The following RALYL variants were observed in gnomAD, a reference collection of about 807,000 sequenced individuals.
RALYL encodes RNA-binding Raly-like protein.
A neutral mutation model predicts 35.1 loss-of-function variants in RALYL; 29 were observed. The observed-to-expected ratio is 0.83, with a 90% CI of 0.61 to 1.13. The LOEUF is 1.13. Ranked by LOEUF, RALYL falls within the 50% of genes most tolerant of loss-of-function variation. The pLI, the probability that RALYL is intolerant of heterozygous loss-of-function variation, is 0.00. For missense variants in RALYL, 359 were observed against 360.4 expected (o/e 1.00, Z 0.03); for synonymous variants, 120 against 127.6 (o/e 0.94, Z 0.40).
intron 1 of RALYL, among the ~76,000 whole-genome samples, chr8:84,498,263 C>G (rs995870477): frequency 1.3e-5 from 2 of 151,946 alleles, no homozygotes; most frequent in African/African-American, 2.4e-5. Context: ...CTCTCTTCAG[C>G]TTGCGAGTTG....
At chr8:84,760,798 T>A (rs966481502) in intron 2 of RALYL, among the ~76,000 whole-genome samples, 2 of 152,004 alleles carry the variant, frequency 1.3e-5, no homozygotes, top group African/African-American at 4.8e-5. Context: ...CAAGATTTAA[T>A]TTGAATGCCA....
rs370980621 is a variant in RALYL, at chr8:84,813,855, T to C, written c.365+9053T>C. Among the ~76,000 whole-genome samples the C allele has an allele frequency of 5.3e-4, 81 of 152,124 alleles. 1 individual carries two copies. In the South Asian group the frequency reaches 0.015, roughly 28 times the overall value. ...ATGTGCCATGTTGGTGTGCTGCACC[T>C]ATTAACTTGTCATTTACAGGAGGTG... On this transcript the variant is annotated intron_variant, in intron 4 of 8. Coordinates refer to ENST00000521268, the MANE Select transcript of RALYL (RefSeq NM_173848.7).
At chr8:84,217,302 G>T (rs758147403) in intron 1 of RALYL, among the ~76,000 whole-genome samples, 1 of 151,916 alleles carries the variant, frequency 6.6e-6, no homozygotes, top group Non-Finnish European at 1.5e-5. Context: ...TGTTTTATTA[G>T]TCAAAAAGAA....
chr8:84,533,339 C>A (rs2059392457), intron 2 of RALYL, among the ~76,000 whole-genome samples: 1 of 152,086 alleles, frequency 6.6e-6, no homozygotes. Flanking sequence ...TTAATAGAGA[C>A]AATTTTTATG....
At chr8:84,201,804 C>T (rs776224805) in intron 1 of RALYL, among the ~76,000 whole-genome samples, 7 of 151,906 alleles carry the variant, frequency 4.6e-5, no homozygotes, top group Non-Finnish European at 7.4e-5. Flanking sequence ...TGACCTCAAG[C>T]GATTCTCCCA....
At chr8:84,846,127 G>T (rs1050770099) in intron 4 of RALYL, among the ~76,000 whole-genome samples, 9 of 151,792 alleles carry the variant, frequency 5.9e-5, no homozygotes, top group Non-Finnish European at 1.2e-4. Context: ...AGGCTCTTTT[G>T]TTGTTGTTGT....
At chr8:84,358,832 C>G (rs1360901623) in intron 1 of RALYL, among the ~76,000 whole-genome samples, 1 of 151,934 alleles carries the variant, frequency 6.6e-6, no homozygotes, top group Non-Finnish European at 1.5e-5. Flanking sequence ...TGCAGAGATT[C>G]TTTAGGCCCT....
At chr8:84,432,409 C>T (rs2047241664) in intron 1 of RALYL, among the ~76,000 whole-genome samples, 1 of 151,560 alleles carries the variant, frequency 6.6e-6, no homozygotes, top group Non-Finnish European at 1.5e-5. Context: ...CTATTCAATA[C>T]CTGTACAAAT....
intron 1 of RALYL, among the ~76,000 whole-genome samples, chr8:84,212,863 A>G (rs115864919): frequency 6.6e-6 from 1 of 152,170 alleles, no homozygotes; most frequent in Non-Finnish European, 1.5e-5. Context: ...TCTTAAAAAA[A>G]TTTTTAAGAA....
chr8:84,688,631 A>G (rs565497909), intron 2 of RALYL, among the ~76,000 whole-genome samples: 1 of 152,258 alleles, frequency 6.6e-6, no homozygotes, highest in South Asian at 2.1e-4. Flanking sequence ...AGTAGAAAAA[A>G]ACATAGGGAA....
At chr8:84,471,438 A>T (rs2052735428) in intron 1 of RALYL, among the ~76,000 whole-genome samples, 1 of 151,854 alleles carries the variant, frequency 6.6e-6, no homozygotes. Context: ...AAAAAAAAAA[A>T]AAAAACTTAG....
chr8:84,554,302 A>G (rs953222032), intron 2 of RALYL, among the ~76,000 whole-genome samples: 1 of 152,170 alleles, frequency 6.6e-6, no homozygotes, highest in African/African-American at 2.4e-5. Context: ...ACGGTAGTTC[A>G]TTGTGTTTTG....
rs148281858 is a variant in RALYL, at chr8:84,415,292, C to T, written c.-23-114007C>T. On this transcript the variant is annotated intron_variant, in intron 1 of 8. Transcript: ENST00000521268. ...TTCTGTCACCCAGGTTGGAGTGCAA[C>T]GGTGCAATCTCGGCTCGGCTCACTG... 9.0e-3 allele frequency among the ~76,000 whole-genome samples: 1,347 copies of T among 149,250 alleles called. 26 individuals carry two copies. The highest frequency in any genetic ancestry group is 0.032 in the African/African-American group (1,279 of 40,462).
At chr8:84,571,555 G>C (rs940101773) in intron 2 of RALYL, among the ~76,000 whole-genome samples, 3 of 151,580 alleles carry the variant, frequency 2.0e-5, no homozygotes, top group Non-Finnish European at 4.4e-5. Flanking sequence ...TCCTTTCAAA[G>C]AACCAACTTT....
intron 1 of RALYL, among the ~76,000 whole-genome samples, chr8:84,256,089 T>A (rs919388151): frequency 6.6e-6 from 1 of 152,130 alleles, no homozygotes; most frequent in African/African-American, 2.4e-5. Flanking sequence ...TATGTCTGAT[T>A]GCTGGTGAAG....
chr8:84,295,805 TTC>T (rs1839646138), intron 1 of RALYL, among the ~76,000 whole-genome samples: 2 of 152,320 alleles, frequency 1.3e-5, no homozygotes, highest in South Asian at 4.1e-4. Context: ...TGCATTCTAT[TTC>T]CTAGTATTAT....
At chr8:84,453,948 T>C (rs561441492) in intron 1 of RALYL, among the ~76,000 whole-genome samples, 1 of 152,198 alleles carries the variant, frequency 6.6e-6, no homozygotes, top group African/African-American at 2.4e-5. Flanking sequence ...AGATGTAGGC[T>C]AATTCAATCT....
intron 1 of RALYL, among the ~76,000 whole-genome samples, chr8:84,304,595 A>T (rs1841447638): frequency 6.7e-6 from 1 of 149,336 alleles, no homozygotes; most frequent in Non-Finnish European, 1.5e-5. Context: ...ACTCTCATAA[A>T]GTTTACACTA....
chr8:84,262,875 G>A (rs1340276794), intron 1 of RALYL, among the ~76,000 whole-genome samples: 1 of 152,146 alleles, frequency 6.6e-6, no homozygotes, highest in Non-Finnish European at 1.5e-5. Context: ...ACATCTATGT[G>A]TGGTTGGTCA....
Sources: gnomAD v4.1 joint callset for allele counts (sites outside exome capture counted in the v4.1 genomes callset) on GRCh38, gnomAD v4.1.1 for gene constraint, MANE v1.5 for transcripts, NCBI Gene and HGNC (gene_info 2026-07-23, HGNC 2026-07-21) for gene names.